TNNI3K: variants seen among roughly 807,000 people sequenced by gnomAD.
The protein encoded by TNNI3K is TNNI3 interacting kinase, also known as serine/threonine-protein kinase TNNI3K.
Under a neutral mutation model 114.5 loss-of-function variants are expected in TNNI3K, and 140 were observed. The ratio of observed to expected loss-of-function variants is 1.22; its 90% CI spans 1.07 to 1.41. TNNI3K has a LOEUF of 1.41. Among genes scored for constraint, TNNI3K ranks in the 40% most tolerant of loss-of-function variants. TNNI3K has a pLI of 0.00. For missense variants in TNNI3K, 1,125 were observed against 1,007.6 expected (o/e 1.12, Z -1.58); for synonymous variants, 347 against 347.5 (o/e 1.00, Z 0.02).
intron 17 of TNNI3K, among the ~76,000 whole-genome samples, chr1:74,417,118 A>G (rs1442678168): frequency 6.6e-6 from 1 of 152,000 alleles, no homozygotes; most frequent in Non-Finnish European, 1.5e-5. Context: ...CAGAGAAAAG[A>G]TGAAAGAGAG....
At chr1:74,491,142 G>A (rs780224140) in intron 22 of TNNI3K, among the ~76,000 whole-genome samples, 3 of 152,304 alleles carry the variant, frequency 2.0e-5, no homozygotes, top group South Asian at 2.1e-4. Context: ...TGAAAATCAC[G>A]TAACATGAAA....
intron 21 of TNNI3K, chr1:74,480,706 A>G (rs1390900013): frequency 1.8e-5 from 13 of 717,422 alleles, no homozygotes; most frequent in Non-Finnish European, 3.1e-5. Flanking sequence ...TGCGGAGAGC[A>G]TTATTGCTCA....
At chr1:74,338,017 C>T (rs1660563640) in intron 7 of TNNI3K, among the ~76,000 whole-genome samples, 2 of 151,986 alleles carry the variant, frequency 1.3e-5, no homozygotes, top group African/African-American at 4.8e-5. Context: ...TTATTCACGT[C>T]TTTTTGTGGA....
intron 17 of TNNI3K, among the ~76,000 whole-genome samples, chr1:74,399,369 T>C (rs1245370126): frequency 2.0e-5 from 3 of 152,114 alleles, no homozygotes; most frequent in East Asian, 3.9e-4. Context: ...AATTATATAC[T>C]GGACCTATCC....
intron 23 of TNNI3K, among the ~76,000 whole-genome samples, chr1:74,501,036 G>A (rs958886617): frequency 2.6e-5 from 4 of 152,032 alleles, no homozygotes; most frequent in Admixed American, 2.0e-4. Flanking sequence ...ATCCTCAGCT[G>A]TTGTCTCTTC....
chr1:74,506,677 T>A (rs1402747503), intron 23 of TNNI3K, among the ~76,000 whole-genome samples: 2 of 152,226 alleles, frequency 1.3e-5, no homozygotes, highest in Non-Finnish European at 2.9e-5. Flanking sequence ...CTGCCGAATC[T>A]GCATTTTAAC....
chr1:74,483,733 G>A (rs1668613878), intron 21 of TNNI3K, among the ~76,000 whole-genome samples: 1 of 152,108 alleles, frequency 6.6e-6, no homozygotes, highest in Admixed American at 6.5e-5. Flanking sequence ...AAACAGCTCA[G>A]GATGGTTAGC....
rs377241681 is a variant in TNNI3K, at chr1:74,337,148, C to G, written c.682+999C>G. Among the ~76,000 whole-genome samples, 121 of 152,034 alleles carry G rather than the reference C, an allele frequency of 8.0e-4. 2 individuals are homozygous for G. The East Asian group carries it at 0.021, about 26-fold the overall frequency. Reference sequence around the variant, plus strand: ...TGTTTTTTGGCTGCATAAATGTCTTCTTTTGAGAAGTGTCTGTTCATGTCC... The same window carrying G: ...TGTTTTTTGGCTGCATAAATGTCTTGTTTTGAGAAGTGTCTGTTCATGTCC... On this transcript the variant is annotated intron_variant, in intron 7 of 24. Transcript: ENST00000326637.
At chr1:74,343,250 T>G in intron 9 of TNNI3K, 71 bp downstream of exon 9, 1 of 1,485,950 alleles carries the variant, frequency 6.7e-7, no homozygotes, top group Non-Finnish European at 9.1e-7. Context: ...GTTGTGGGTA[T>G]AAAGCAAGAA....
intron 2 of TNNI3K, among the ~76,000 whole-genome samples, chr1:74,244,904 T>A (rs1654460505): frequency 6.6e-6 from 1 of 152,124 alleles, no homozygotes; most frequent in Non-Finnish European, 1.5e-5. Context: ...TTTCATTCTT[T>A]GAGTCTCTCC....
At chr1:74,473,115 G>A (rs1668017130) in intron 21 of TNNI3K, among the ~76,000 whole-genome samples, 1 of 152,052 alleles carries the variant, frequency 6.6e-6, no homozygotes, top group African/African-American at 2.4e-5. Flanking sequence ...AAAAATAATA[G>A]TAATACCATT....
At chr1:74,416,505 A>T (rs1432406372) in intron 17 of TNNI3K, 1 of 984,704 alleles carries the variant, frequency 1.0e-6, no homozygotes, top group Non-Finnish European at 1.2e-6. Context: ...AGTAGGTGTG[A>T]CAGTGGGAAG....
chr1:74,329,202 T>A (rs1176136134), intron 5 of TNNI3K, among the ~76,000 whole-genome samples: 1 of 152,092 alleles, frequency 6.6e-6, no homozygotes, highest in Non-Finnish European at 1.5e-5. Context: ...CCCCAGAGGT[T>A]CAGTTTCTTC....
At position 74,325,597 on chromosome 1, in the gene TNNI3K, A is replaced by G. The variant is rs185665855; in HGVS notation, c.445-5853A>G. On this transcript the variant is annotated intron_variant, in intron 5 of 24. Coordinates refer to ENST00000326637, the MANE Select transcript of TNNI3K (RefSeq NM_015978.3). ...TAAAAAGCATCCATGAGAATGGGCA[A>G]TTAGGGGGCCTTTGATGTCATTTTC... 1.7e-3 allele frequency among the ~76,000 whole-genome samples: 259 copies of G among 152,308 alleles called. 2 individuals carry two copies. The highest frequency in any genetic ancestry group is 1.6e-3 in the Non-Finnish European group (106 of 68,016).
intron 11 of TNNI3K, among the ~76,000 whole-genome samples, chr1:74,363,978 T>TATC (rs983069254): frequency 2.8e-5 from 4 of 144,538 alleles, no homozygotes; most frequent in African/African-American, 1.0e-4. Context: ...GGGGTATTAT[T>TATC]ATTATTATTA....
chr1:74,295,728 C>A (rs913242229), intron 5 of TNNI3K, among the ~76,000 whole-genome samples: 10 of 152,020 alleles, frequency 6.6e-5, no homozygotes, highest in African/African-American at 2.4e-4. Context: ...TATGTTCAAA[C>A]TTTTTGCATC....
intron 5 of TNNI3K, among the ~76,000 whole-genome samples, chr1:74,310,726 C>G (rs1345600445): frequency 6.6e-6 from 1 of 152,098 alleles, no homozygotes; most frequent in African/African-American, 2.4e-5. Context: ...GGGTATTCCT[C>G]TTTGTTGATT....
intron 17 of TNNI3K, chr1:74,378,748 C>A (rs928189144): frequency 1.3e-5 from 2 of 150,546 alleles, no homozygotes; most frequent in Admixed American, 1.3e-4. Context: ...ATACAGTCAG[C>A]TCTGTCTTGG....
intron 21 of TNNI3K, chr1:74,469,357 A>G (rs975254329): frequency 6.6e-6 from 1 of 152,626 alleles, no homozygotes; most frequent in Non-Finnish European, 1.5e-5. Flanking sequence ...AAACATACCA[A>G]TATGCATATC....
Sources: allele counts gnomAD v4.1 joint callset (sites outside exome capture counted in the v4.1 genomes callset), GRCh38; gene constraint gnomAD v4.1.1; transcripts MANE v1.5; gene names NCBI Gene and HGNC (gene_info 2026-07-23, HGNC 2026-07-21).